Variants in TLK2 observed in about 807,000 individuals in gnomAD.
TLK2 encodes tousled like kinase 2.
A neutral mutation model predicts 117.3 loss-of-function variants in TLK2; 6 were observed. That is an observed-to-expected ratio of 0.05 (90% CI 0.03 to 0.10). The LOEUF is 0.10. Among genes scored for constraint, TLK2 ranks in the 10% least tolerant of loss-of-function variants. The probability of loss-of-function intolerance (pLI) is 1.00; values close to 1 mark genes in which losing one functional copy is unlikely to be tolerated. For missense variants in TLK2, 299 were observed against 901.2 expected (o/e 0.33, Z 8.56); for synonymous variants, 257 against 316.7 (o/e 0.81, Z 2.00).
intron 16 of TLK2, among the ~76,000 whole-genome samples, chr17:62,594,171 G>A (rs2082284129): frequency 6.6e-6 from 1 of 152,048 alleles, no homozygotes; most frequent in South Asian, 2.1e-4. Context: ...ACTTTGGGAG[G>A]CCATGGCAGG....
At chr17:62,543,970 T>G (rs1379467476) in intron 7 of TLK2, among the ~76,000 whole-genome samples, 1 of 152,236 alleles carries the variant, frequency 6.6e-6, no homozygotes, top group African/African-American at 2.4e-5. Context: ...AGCTCTTATA[T>G]TTAGGTCTTT....
chr17:62,593,745 T>C (rs2082250449), intron 16 of TLK2, among the ~76,000 whole-genome samples: 1 of 151,914 alleles, frequency 6.6e-6, no homozygotes, highest in African/African-American at 2.4e-5. Context: ...GAGGCTGTTT[T>C]GTAGTTAATT....
intron 20 of TLK2, among the ~76,000 whole-genome samples, chr17:62,606,761 C>T (rs2083333354): frequency 6.6e-6 from 1 of 152,202 alleles, no homozygotes; most frequent in South Asian, 2.1e-4. Context: ...TGGTAAACTA[C>T]ACCTAATGAA....
chr17:62,534,993 ATTC>A (rs2077015733), intron 6 of TLK2, among the ~76,000 whole-genome samples: 1 of 149,054 alleles, frequency 6.7e-6, no homozygotes. Flanking sequence ...GGTTTAAGCA[ATTC>A]TTCTGCCTTA....
upstream of TLK2, among the ~76,000 whole-genome samples, chr17:62,474,488 C>T (rs149047422): frequency 5.2e-3 from 784 of 151,986 alleles, 5 homozygotes; most frequent in African/African-American, 0.018. Context: ...CGGCTTACTG[C>T]AAGCTCCACC....
intron 2 of TLK2, among the ~76,000 whole-genome samples, chr17:62,491,131 A>C (rs1016549798): frequency 6.6e-6 from 1 of 152,202 alleles, no homozygotes; most frequent in Non-Finnish European, 1.5e-5. Flanking sequence ...CAATAATATA[A>C]AACTAACACT....
At chr17:62,586,531 A>G (rs2081616142) in intron 16 of TLK2, among the ~76,000 whole-genome samples, 1 of 151,972 alleles carries the variant, frequency 6.6e-6, no homozygotes, top group African/African-American at 2.4e-5. Context: ...CTTAGAAATC[A>G]TTTTTGCTGG....
chr17:62,497,438 A>C (rs1598211851), intron 2 of TLK2, among the ~76,000 whole-genome samples: 1 of 152,298 alleles, frequency 6.6e-6, no homozygotes, highest in Middle Eastern at 3.4e-3. Flanking sequence ...TTGTGTGGAG[A>C]ATCATTGTGG....
upstream of TLK2, among the ~76,000 whole-genome samples, chr17:62,474,118 G>A (rs562252872): frequency 5.3e-5 from 8 of 152,018 alleles, no homozygotes; most frequent in South Asian, 1.5e-3. Flanking sequence ...TCGCTCTGTC[G>A]CCCAGGCTGG....
At chr17:62,514,452 T>TA (rs1272392178) in intron 2 of TLK2, among the ~76,000 whole-genome samples, 3 of 128,566 alleles carry the variant, frequency 2.3e-5, no homozygotes, top group African/African-American at 8.8e-5. Flanking sequence ...TCAATAATAA[T>TA]TAAAAAAAAA....
At chr17:62,602,523 C>T (rs113353506) in intron 19 of TLK2, among the ~76,000 whole-genome samples, 8 of 151,996 alleles carry the variant, frequency 5.3e-5, no homozygotes, top group African/African-American at 1.7e-4. Context: ...AAAATCTTTC[C>T]GTCCAAATAC....
intron 14 of TLK2, among the ~76,000 whole-genome samples, chr17:62,579,298 G>A (rs2081044531): frequency 6.6e-6 from 1 of 152,078 alleles, no homozygotes; most frequent in South Asian, 2.1e-4. Context: ...TAATCCGCAG[G>A]ATAACCCAGT....
intron 5 of TLK2, among the ~76,000 whole-genome samples, chr17:62,523,398 G>A (rs2076172152): frequency 6.6e-6 from 1 of 152,076 alleles, no homozygotes; most frequent in Non-Finnish European, 1.5e-5. Flanking sequence ...GGGCAACATG[G>A]GGAAACCCTG....
chr17:62,604,670 GGAGGCCAAGGCGGGCGGATCAT>G (rs1234401755), intron 19 of TLK2, among the ~76,000 whole-genome samples: 3 of 151,902 alleles, frequency 2.0e-5, no homozygotes, highest in African/African-American at 7.3e-5. Flanking sequence ...CAGCACTTTG[GGAGGCCAAGGCGGGCGGATCAT>G]GAGGTCAAGA....
chr17:62,526,416 A>G (rs1345871898), intron 6 of TLK2, among the ~76,000 whole-genome samples: 1 of 152,040 alleles, frequency 6.6e-6, no homozygotes, highest in Non-Finnish European at 1.5e-5. Context: ...TTTTTATGTT[A>G]CTGAGAAAAT....
rs533412243 is a variant in TLK2, at chr17:62,502,329, GACTA to G, written c.82-18440_82-18437del. Among the ~76,000 whole-genome samples, 9 of 152,196 alleles carry G rather than the reference GACTA, an allele frequency of 5.9e-5. No homozygotes were observed. The South Asian group carries it at 6.2e-4, about 11-fold the overall frequency. On this transcript the variant is annotated intron_variant, in intron 2 of 21. Coordinates refer to ENST00000346027, the MANE Select transcript of TLK2 (RefSeq NM_006852.6). ...TGTAATAGTTACCTAAAAAGCATTT[GACTA>G]ACTGTTAACACTATTTGTGATAAAA...
chr17:62,494,567 A>G (rs866604749), intron 2 of TLK2, among the ~76,000 whole-genome samples: 5 of 151,024 alleles, frequency 3.3e-5, no homozygotes, highest in Admixed American at 2.0e-4. Context: ...AATATTTTTG[A>G]TAGAGAAGGG....
At chr17:62,574,250 C>T in intron 12 of TLK2, 1 of 1,492,950 alleles carries the variant, frequency 6.7e-7, no homozygotes, top group South Asian at 1.3e-5. Flanking sequence ...GATGGCTTAA[C>T]ACCAATCCTC....
rs544900638 is a variant in TLK2 at position 62,505,407 on chromosome 17, A to ATTTTTT, written c.82-15345_82-15340dup. Among the ~76,000 whole-genome samples the ATTTTTT allele has an allele frequency of 4.6e-3, 249 of 53,760 alleles. 55 individuals are homozygous for ATTTTTT. The highest frequency in any genetic ancestry group is 7.6e-3 in the African/African-American group (82 of 10,816). The allele number at this position is 53,760 out of a possible 152,430, so 35.3% of individuals were successfully genotyped here. A position where few individuals can be genotyped will look rare whatever the true frequency, so the allele number is the denominator to read the frequency against. On this transcript the variant is annotated intron_variant, in intron 2 of 21. Transcript: ENST00000346027. ...TACAGTCATGCACTACCATACCCAG[A>ATTTTTT]TTTTTTTTTTTTTTTTTTTTTTTTT...
Sources: allele counts gnomAD v4.1 joint callset (sites outside exome capture counted in the v4.1 genomes callset), GRCh38; gene constraint gnomAD v4.1.1; transcripts MANE v1.5; gene names NCBI Gene and HGNC (gene_info 2026-07-23, HGNC 2026-07-21).